EIF3L: variants seen among roughly 807,000 people sequenced by gnomAD.
The protein encoded by EIF3L is eIEF associated protein HSPC021.
In EIF3L, 32 loss-of-function variants were observed where a neutral mutation model predicts 74.6. The observed-to-expected ratio is 0.43, with a 90% CI of 0.32 to 0.58. The LOEUF is 0.58. Among genes scored for constraint, EIF3L ranks in the 20% least tolerant of loss-of-function variants. The probability of loss-of-function intolerance (pLI) is 0.06; values close to 1 mark genes in which losing one functional copy is unlikely to be tolerated. For missense variants in EIF3L, 474 were observed against 707.8 expected (o/e 0.67, Z 3.75); for synonymous variants, 256 against 254.4 (o/e 1.01, Z -0.06).
rs772689759 is a variant in EIF3L at position 37,877,906 on chromosome 22, A to G, written c.1310A>G (p.Lys437Arg). ...NYDNVHPNYH[K>R]EPFLQQLKVF... ...GATAATGTGCACCCCAACTACCACA[A>G]AGAGCCCTTCCTGCAGCAGCTGAAG... Residue 437 changes from lysine (K) to arginine (R), a missense_variant, in exon 11 of 13, where the codon AAA becomes AGA. Lys to Arg is a conservative substitution (Grantham distance 26). This residue lies in a region of EIF3L where 293 missense variants were observed against 469.1 expected (regional missense o/e 0.62). Coordinates refer to ENST00000652021, the MANE Select transcript of EIF3L (RefSeq NM_016091.4). 7 of 1,612,774 alleles carry G rather than the reference A, an allele frequency of 4.3e-6. No homozygotes were observed. Among genetic ancestry groups the G allele is most frequent in the African/African-American group, 4.0e-5 (3 of 74,868 alleles).
chr22:37,850,179 C>A, intron 2 of EIF3L, 116 bp downstream of exon 2: 1 of 1,103,772 alleles, frequency 9.1e-7, no homozygotes, highest in Non-Finnish European at 1.4e-6. Flanking sequence ...GGTTTGGAGT[C>A]AGTCATTAGC....
intron 8 of EIF3L, 65 bp from the exon 9 acceptor site, chr22:37,874,305 C>CA: frequency 1.3e-6 from 2 of 1,540,426 alleles, no homozygotes; most frequent in Non-Finnish European, 1.8e-6. Context: ...GAGTAACATT[C>CA]AGAGGTCAGG....
intron 3 of EIF3L, among the ~76,000 whole-genome samples, chr22:37,854,758 C>T (rs1049156473): frequency 7.9e-5 from 12 of 152,114 alleles, no homozygotes; most frequent in South Asian, 4.2e-4. Flanking sequence ...TGAGCCAGCG[C>T]GCCTGGCCTG....
chr22:37,850,038 T>C lies in EIF3L; in HGVS notation c.57T>C (p.Tyr19=), dbSNP rs768084025. 9.9e-6 allele frequency: 16 copies of C among 1,613,598 alleles called. No individual in the cohort carries two copies. The highest frequency in any genetic ancestry group is 1.4e-5 in the Non-Finnish European group (16 of 1,179,790). The change falls in exon 2 of 13, where the codon TAT becomes TAC. Residue 19 remains tyrosine (Y), a synonymous_variant. Coordinates refer to ENST00000652021, the MANE Select transcript of EIF3L (RefSeq NM_016091.4). ...ESEAAYDPYA[Y]PSDYDMHTGD... ...AGGCGGCTTATGACCCCTACGCTTA[T>C]CCCAGCGACTATGATATGCACACAG... is the stretch of plus-strand genomic sequence containing the variant.
chr22:37,878,414 T>A, intron 11 of EIF3L: 8 of 203,490 alleles, frequency 3.9e-5, no homozygotes, highest in Admixed American at 6.4e-5. Flanking sequence ...ACCTTTTCTC[T>A]ATTAAAAAAA....
rs372316591 is a variant in EIF3L, at chr22:37,863,354, T to C, written c.579+9T>C. 6.2e-7 allele frequency: 1 copy of C among 1,606,454 alleles called. No homozygotes were observed. The highest frequency in any genetic ancestry group is 8.5e-7 in the Non-Finnish European group (1 of 1,175,928). On this transcript the variant is annotated intron_variant, in intron 7 of 12. Coordinates refer to ENST00000652021, the MANE Select transcript of EIF3L (RefSeq NM_016091.4). ...ATGAGTTCATCTACCAGGTATCTGG[T>C]CAGCTTCAGCCTAATTTGAAATAAC...
intron 11 of EIF3L, chr22:37,879,521 A>G (rs955777439): frequency 6.6e-6 from 1 of 152,264 alleles, no homozygotes; most frequent in Non-Finnish European, 1.5e-5. Context: ...CTCACCAGAT[A>G]TCTGGAGGAA....
intron 7 of EIF3L, among the ~76,000 whole-genome samples, 186 bp downstream of exon 7, chr22:37,863,531 T>A (rs1925974711): frequency 6.6e-6 from 1 of 152,244 alleles, no homozygotes; most frequent in Admixed American, 6.5e-5. Flanking sequence ...GCACTCCAGA[T>A]AGGAAGCTGG....
intron 12 of EIF3L, chr22:37,888,180 A>G (rs1927418059): frequency 2.4e-6 from 1 of 423,594 alleles, no homozygotes; most frequent in African/African-American, 2.0e-5. Context: ...TTTCTGTCAG[A>G]TGGATAGAGC....
rs544996397 is a variant in EIF3L, at chr22:37,854,542, A to G, written c.294-1023A>G. Among the ~76,000 whole-genome samples the G allele has an allele frequency of 2.0e-5, 3 of 152,330 alleles. No individual in the cohort carries two copies. The East Asian group carries it at 5.8e-4, about 29-fold the overall frequency. Reference sequence around the variant, plus strand: ...GAGTGCAATGGCGCAATCTCAGCTCATCGCAACCTCCGCCTCCTGGCTCCA... The same window carrying G: ...GAGTGCAATGGCGCAATCTCAGCTCGTCGCAACCTCCGCCTCCTGGCTCCA... On this transcript the variant is annotated intron_variant, in intron 3 of 12. Coordinates refer to ENST00000652021, the MANE Select transcript of EIF3L (RefSeq NM_016091.4).
intron 8 of EIF3L, among the ~76,000 whole-genome samples, chr22:37,872,220 C>T (rs1042714509): frequency 6.6e-6 from 1 of 151,774 alleles, no homozygotes; most frequent in Non-Finnish European, 1.5e-5. Flanking sequence ...GGGGTTCAAG[C>T]GATTCTCCTG....
chr22:37,877,606 A>G, intron 10 of EIF3L, 68 bp from the exon 11 acceptor site: 5 of 1,519,850 alleles, frequency 3.3e-6, no homozygotes, highest in Non-Finnish European at 4.4e-6. Flanking sequence ...TGGTGAGGCC[A>G]GTTGGCAGTG....
intron 8 of EIF3L, among the ~76,000 whole-genome samples, chr22:37,873,030 C>G (rs1926556617): frequency 1.3e-5 from 2 of 151,876 alleles, no homozygotes; most frequent in Admixed American, 6.6e-5. Flanking sequence ...GCTCTGTAGC[C>G]CAGGCTTGAG....
At chr22:37,855,318 G>A (rs1048389208) in intron 3 of EIF3L, among the ~76,000 whole-genome samples, 1 of 152,174 alleles carries the variant, frequency 6.6e-6, no homozygotes, top group African/African-American at 2.4e-5. Flanking sequence ...TAATGATACA[G>A]AGGCAGGAGA....
intron 5 of EIF3L, among the ~76,000 whole-genome samples, chr22:37,860,145 G>C (rs1288144906): frequency 6.6e-6 from 1 of 152,188 alleles, no homozygotes. Flanking sequence ...GGCTGTCTGA[G>C]TCATCTGAAG....
chr22:37,874,895 ATTTTTT>A (rs35994639), intron 9 of EIF3L, among the ~76,000 whole-genome samples: 8 of 113,488 alleles, frequency 7.0e-5, no homozygotes, highest in Non-Finnish European at 1.4e-4. Flanking sequence ...TGCCCAGCTA[ATTTTTT>A]TTTTTTTTTT....
At chr22:37,852,227 T>G (rs1203545193) in intron 3 of EIF3L, among the ~76,000 whole-genome samples, 2 of 152,180 alleles carry the variant, frequency 1.3e-5, no homozygotes, top group Non-Finnish European at 2.9e-5. Context: ...GTTCAGTGTG[T>G]TGTTTGTGTT....
In EIF3L at chr22:37,886,762, C is replaced by T. The variant is rs750257272; in HGVS notation, c.1576-3C>T. 7.5e-6 allele frequency: 12 copies of T among 1,607,594 alleles called. No homozygotes were observed. Among genetic ancestry groups the T allele is most frequent in the Admixed American group, 6.7e-5 (4 of 59,792 alleles). The stretch of plus-strand genomic sequence containing the variant: ...TCTTCCCTGACTGTGCTTTCCCCCA[C>T]AGGACATGATCCACATCGCGGACAC... On this transcript the variant is annotated splice_region_variant and splice_polypyrimidine_tract_variant and intron_variant, in intron 11 of 12. Transcript: ENST00000652021.
At position 37,874,370 on chromosome 22, in the gene EIF3L, G is replaced by A; in HGVS notation, c.752G>A (p.Gly251Asp). The A allele has an allele frequency of 6.2e-7, 1 of 1,613,528 alleles. No individual in the cohort carries two copies. The highest frequency in any genetic ancestry group is 8.5e-7 in the Non-Finnish European group (1 of 1,179,716). The change falls in exon 9 of 13, where the codon GGT becomes GAT. Residue 251 changes from glycine to aspartate, a missense_variant and splice_region_variant. Gly to Asp is a moderately conservative substitution (Grantham distance 94). Around this residue, in one of 4 missense-constraint regions of EIF3L, gnomAD observed 293 missense variants for 469.1 expected, o/e 0.62. Coordinates refer to ENST00000652021, the MANE Select transcript of EIF3L (RefSeq NM_016091.4). ...TATTCACGGTGTCTGTCTCTTTCAG[G>A]TGACCCTGAGAGTGTGGCTGGGGAG... ...NRQLEVYTSGGDPESVAGEYG... is the reference protein window; with the variant it reads ...NRQLEVYTSGDDPESVAGEYG...
Sources: allele counts gnomAD v4.1 joint callset (sites outside exome capture counted in the v4.1 genomes callset), GRCh38; gene constraint gnomAD v4.1.1; regional missense constraint gnomAD v4.1.1; transcripts MANE v1.5; gene names NCBI Gene and HGNC (gene_info 2026-07-23, HGNC 2026-07-21).